The following SRRM2 variants were observed in gnomAD, a reference collection of about 807,000 sequenced individuals.
SRRM2 encodes the protein serine/arginine repetitive matrix protein 2.
A neutral mutation model predicts 213.8 loss-of-function variants in SRRM2; 30 were observed. The observed-to-expected ratio is 0.14, with a 90% confidence interval of 0.10 to 0.19. The LOEUF (loss-of-function observed/expected upper bound fraction) is 0.19. Ranked by LOEUF, SRRM2 falls within the 10% of genes least tolerant of loss-of-function variation. The probability of loss-of-function intolerance (pLI) is 1.00; values close to 1 mark genes in which losing one functional copy is unlikely to be tolerated. For synonymous variants in SRRM2, 2,025 were observed against 1,377.7 expected, an observed-to-expected ratio of 1.47 and a Z score of -10.40; for missense variants, 4,904 against 3,647.0, an observed-to-expected ratio of 1.34 and a Z score of -8.88.
At chr16:2,768,288 T>G in intron 11 of SRRM2, 27 bp downstream of exon 11, 4 of 1,522,798 alleles carry the variant, frequency 2.6e-6, no homozygotes, top group Non-Finnish European at 3.5e-6. Context: ...TTTAGAAATC[T>G]TCAGTGGGGG....
rs1410315290 is a variant in SRRM2, at chr16:2,770,731, A to G, written c.8249+14A>G. The G allele has an allele frequency of 3.2e-6, 5 of 1,577,364 alleles. No individual in the cohort carries two copies. Among genetic ancestry groups the G allele is most frequent in the Non-Finnish European group, 4.3e-6 (5 of 1,159,122 alleles). On this transcript the variant is annotated intron_variant, in intron 14 of 14. Coordinates refer to ENST00000301740, the MANE Select transcript of SRRM2 (RefSeq NM_016333.4). ...CCGCTCCTCCAGGTGCGTGTCCTGG[A>G]AGGCTGATGCCCCCTTCCGGGAGCC...
chr16:2,758,758 C>T, intron 5 of SRRM2: 1 of 673,118 alleles, frequency 1.5e-6, no homozygotes. Context: ...GATTGGCCAG[C>T]AGCATTTTGG....
Position 2,765,979 on chromosome 16 carries a change from C to T in SRRM2, c.5451C>T (p.Gly1817=). 6 of 1,614,150 alleles carry T rather than the reference C, an allele frequency of 3.7e-6. No individual in the cohort carries two copies. The highest frequency in any genetic ancestry group is 8.5e-7 in the Non-Finnish European group (1 of 1,180,018). ...GGGTTACTCGGCGGCGGAGGGGAGG[C>T]TCTGGTTATCACTCAAGGTCACCTG... is the stretch of plus-strand genomic sequence containing the variant. ...RSRVTRRRRG[G]SGYHSRSPAR... is the part of the protein sequence containing the mutation. The change falls in exon 11 of 15, where the codon GGC becomes GGT. Residue 1817 remains glycine, a synonymous_variant. Coordinates refer to ENST00000301740, the MANE Select transcript of SRRM2 (RefSeq NM_016333.4).
rs759155209 is a variant in SRRM2 at position 2,766,096 on chromosome 16, A to G, written c.5568A>G (p.Thr1856=). The change falls in exon 11 of 15, where the codon ACA becomes ACG. Residue 1856 remains threonine (T), a synonymous_variant. Coordinates refer to ENST00000301740, the MANE Select transcript of SRRM2 (RefSeq NM_016333.4). The surrounding 1 kb of genome is among the most constrained non-coding windows in gnomAD (Gnocchi z 7.0). The part of the protein sequence containing the change: ...PTSRKRSRSR[T]SPAPWKRSRS... ...GTCGGAAGCGTTCTCGCTCACGCACATCACCAGCCCCGTGGAAACGCTCTA... is the reference window on the plus strand; with the variant it reads ...GTCGGAAGCGTTCTCGCTCACGCACGTCACCAGCCCCGTGGAAACGCTCTA... 1.2e-6 allele frequency: 2 copies of G among 1,614,148 alleles called. No homozygotes were observed. Among genetic ancestry groups the G allele is most frequent in the Non-Finnish European group, 1.7e-6 (2 of 1,180,026 alleles).
chr16:2,753,345 C>G (rs2068011352), intron 1 of SRRM2: 1 of 152,246 alleles, frequency 6.6e-6, no homozygotes, highest in Non-Finnish European at 1.5e-5. Flanking sequence ...GCCCCCTCCC[C>G]CATTCCGCAA....
Position 2,762,577 on chromosome 16 carries a change from C to T in SRRM2, c.2049C>T (p.Ser683=), listed in dbSNP as rs956838282. ...CTAGACGCAGTGGTCGCTCACGCTC[C>T]AGAACACCAGCCAGGAGAGGGAGGT... ...TPARRSGRSR[S]RTPARRGRSR... The change falls in exon 11 of 15, where the codon TCC becomes TCT. Residue 683 remains serine, a synonymous_variant. Transcript: ENST00000301740. 6 of 1,613,692 alleles carry T rather than the reference C, an allele frequency of 3.7e-6. No homozygotes were observed. The African/African-American group carries it at 4.0e-5, about 11-fold the overall frequency.
rs2068489564 is a variant in SRRM2 at position 2,764,996 on chromosome 16, C to T, written c.4468C>T (p.Pro1490Ser). Residue 1490 changes from proline (P) to serine (S), a missense_variant, in exon 11 of 15, where the codon CCT becomes TCT. Physicochemically the swap from Pro to Ser is moderately conservative, Grantham distance 74. Coordinates refer to ENST00000301740, the MANE Select transcript of SRRM2 (RefSeq NM_016333.4). ...CDSSPEPKALPQTPRPRSRSP... is the reference protein window; with the variant it reads ...CDSSPEPKALSQTPRPRSRSP... ...TTCTTCCCCAGAACCGAAAGCTTTGCCTCAGACTCCTAGGCCGAGGAGTCG... is the reference window on the plus strand; with the variant it reads ...TTCTTCCCCAGAACCGAAAGCTTTGTCTCAGACTCCTAGGCCGAGGAGTCG... The T allele has an allele frequency of 3.1e-6, 5 of 1,614,012 alleles. No individual in the cohort carries two copies. In the East Asian group the frequency reaches 1.1e-4, roughly 36 times the overall value.
chr16:2,768,363 A>C (rs778944432), intron 11 of SRRM2, 102 bp downstream of exon 11: 1 of 1,353,256 alleles, frequency 7.4e-7, no homozygotes, highest in Non-Finnish European at 9.9e-7. Flanking sequence ...TGGCTCTTGG[A>C]GGAGGTATGG....
intron 5 of SRRM2, 25 bp downstream of exon 5, chr16:2,758,572 G>A (rs371230302): frequency 1.3e-6 from 2 of 1,599,346 alleles, no homozygotes; most frequent in Non-Finnish European, 1.7e-6. Context: ...AAGTGACTCT[G>A]ATAGCCAGAG....
chr16:2,756,122 C>T (rs540520295), intron 1 of SRRM2, among the ~76,000 whole-genome samples: 2 of 152,246 alleles, frequency 1.3e-5, no homozygotes, highest in South Asian at 4.2e-4. Context: ...GCTGTAAGAA[C>T]TGGGCTGTGA....
At position 2,771,193 on chromosome 16, in the gene SRRM2, G is replaced by A. The variant is rs1253572175; in HGVS notation, c.*326G>A. 1 of 634,824 alleles carries A rather than the reference G, an allele frequency of 1.6e-6. No individual in the cohort carries two copies. Among genetic ancestry groups the A allele is most frequent in the Non-Finnish European group, 2.8e-6 (1 of 362,718 alleles). The allele number at this position is 634,824 out of a possible 1,614,324, so 39.3% of individuals were successfully genotyped here. On this transcript the variant is annotated 3_prime_UTR_variant, in exon 15 of 15. Transcript: ENST00000301740. ...GGCATGGCCCCACTTGTATCCAGAA[G>A]TTCCCAGGGGTGATTGTGATGGTGG... is the stretch of plus-strand genomic sequence containing the variant.
chr16:2,758,225 C>A (rs749681179), intron 4 of SRRM2, among the ~76,000 whole-genome samples: 2 of 152,082 alleles, frequency 1.3e-5, no homozygotes, highest in African/African-American at 2.4e-5. Flanking sequence ...AGAAAAAAAG[C>A]TGGTTGGTGG....
rs377066633 is a variant in SRRM2 at position 2,761,682 on chromosome 16, C to A, written c.1154C>A (p.Pro385His). The change falls in exon 11 of 15, where the codon CCC (proline) becomes CAC (histidine). Residue 385 changes from proline to histidine, a missense_variant. By Grantham distance (77) the Pro-to-His change is moderately conservative (BLOSUM62 -2). Coordinates refer to ENST00000301740, the MANE Select transcript of SRRM2 (RefSeq NM_016333.4). ...GGSPQPLATTPLSQEPVNPPS... is the reference protein window; with the variant it reads ...GGSPQPLATTHLSQEPVNPPS... ...TCCCCACAACCCCTTGCAACCACCC[C>A]CTTAAGCCAGGAGCCAGTGAACCCC... The A allele has an allele frequency of 6.2e-7, 1 of 1,602,506 alleles. No individual in the cohort carries two copies. Among genetic ancestry groups the A allele is most frequent in the Non-Finnish European group, 8.5e-7 (1 of 1,174,266 alleles).
In SRRM2 at chr16:2,753,734, A is replaced by G. The variant is rs531075051; in HGVS notation, c.-32+888A>G. On this transcript the variant is annotated intron_variant, in intron 1 of 14. Coordinates refer to ENST00000301740, the MANE Select transcript of SRRM2 (RefSeq NM_016333.4). ...TAGGACGAATCTGGATCAGAATTTC[A>G]GAGTGTTGTGTTGTCTTTCATCCTA... The G allele has an allele frequency of 4.6e-5, 7 of 152,304 alleles. No individual in the cohort carries two copies. In the East Asian group the frequency reaches 7.7e-4, roughly 17 times the overall value. The allele number at this position is 152,304 out of a possible 1,614,324, so 9.4% of individuals were successfully genotyped here.
In SRRM2 at chr16:2,763,824, C is replaced by T. The variant is rs1352951696; in HGVS notation, c.3296C>T (p.Ser1099Phe). ...KSQTSPKGGR[S>F]RSSSPVTELA... is the part of the protein sequence containing the mutation. Reference sequence around the variant, plus strand: ...CAAACATCACCTAAGGGAGGTCGGTCCAGGTCTTCATCTCCAGTCACTGAG... The same window carrying T: ...CAAACATCACCTAAGGGAGGTCGGTTCAGGTCTTCATCTCCAGTCACTGAG... Residue 1099 changes from serine to phenylalanine, a missense_variant, in exon 11 of 15, where the codon TCC becomes TTC. Transcript: ENST00000301740. 1.2e-6 allele frequency: 2 copies of T among 1,614,052 alleles called. No homozygotes were observed. Among genetic ancestry groups the T allele is most frequent in the Non-Finnish European group, 1.7e-6 (2 of 1,180,044 alleles).
rs1268530487 is a variant in SRRM2 at position 2,767,569 on chromosome 16, A to T, written c.7041A>T (p.Thr2347=). Residue 2347 remains threonine (T), a synonymous_variant, in exon 11 of 15, where the codon ACA becomes ACT. Transcript: ENST00000301740. Reference sequence around the variant, plus strand: ...TGGGTCCTCGGTCTGCACATGCCACAGCTCCTGTGAATATTGCCGGCTCCA... The same window carrying T: ...TGGGTCCTCGGTCTGCACATGCCACTGCTCCTGTGAATATTGCCGGCTCCA... The part of the protein sequence containing the change: ...NLVGPRSAHA[T]APVNIAGSRT... 1 of 1,614,020 alleles carries T rather than the reference A, an allele frequency of 6.2e-7. No individual in the cohort carries two copies. The highest frequency in any genetic ancestry group is 8.5e-7 in the Non-Finnish European group (1 of 1,180,024).
chr16:2,770,104 C>T, intron 12 of SRRM2: 1 of 1,394,374 alleles, frequency 7.2e-7, no homozygotes, highest in Non-Finnish European at 9.4e-7. Flanking sequence ...TGCCTTTCTT[C>T]ACCACTGAGC....
At position 2,771,147 on chromosome 16, in the gene SRRM2, G is replaced by T. The variant is rs1470574253; in HGVS notation, c.*280G>T. On this transcript the variant is annotated 3_prime_UTR_variant, in exon 15 of 15. Transcript: ENST00000301740. ...GGAGGATACAGTTCAGGATACCCCA[G>T]CCTGGAGTCAGGGCCAGGGAGGCAT... 2 of 623,352 alleles carry T rather than the reference G, an allele frequency of 3.2e-6. No homozygotes were observed. The highest frequency in any genetic ancestry group is 5.6e-6 in the Non-Finnish European group (2 of 357,126). The allele number at this position is 623,352 out of a possible 1,614,324, so 38.6% of individuals were successfully genotyped here.
intron 4 of SRRM2, among the ~76,000 whole-genome samples, chr16:2,758,245 G>A (rs1269061985): frequency 1.3e-5 from 2 of 152,248 alleles, no homozygotes; most frequent in Non-Finnish European, 2.9e-5. Flanking sequence ...GCACATGCCT[G>A]TAGTCCAGGC....
Sources: allele counts gnomAD v4.1 joint callset (sites outside exome capture counted in the v4.1 genomes callset), GRCh38; gene constraint gnomAD v4.1.1; non-coding constraint Gnocchi (gnomAD v3.1); transcripts MANE v1.5; gene names NCBI Gene and HGNC (gene_info 2026-07-23, HGNC 2026-07-21).